FAR2: variants seen among roughly 807,000 people sequenced by gnomAD.
The protein encoded by FAR2 is fatty acyl-CoA reductase 2, also known as epididymis secretory protein Li 81.
In FAR2, 19 loss-of-function variants were observed where a neutral mutation model predicts 56.0. The ratio of observed to expected loss-of-function variants is 0.34; its 90% CI spans 0.24 to 0.50. The LOEUF (loss-of-function observed/expected upper bound fraction) is 0.50. FAR2 is among the 20% of genes least tolerant of loss of function. FAR2 has a pLI of 0.98. For synonymous variants in FAR2, 219 were observed against 218.8 expected, an observed-to-expected ratio of 1.00 and a Z score of -0.01; for missense variants, 508 against 642.2, an observed-to-expected ratio of 0.79 and a Z score of 2.26.
chr12:29,204,812 C>T (rs1028896719), intron 1 of FAR2, among the ~76,000 whole-genome samples: 1 of 152,134 alleles, frequency 6.6e-6, no homozygotes, highest in African/African-American at 2.4e-5. Flanking sequence ...TTTTAAACAA[C>T]CGGATCTCAG....
intron 1 of FAR2, among the ~76,000 whole-genome samples, chr12:29,260,015 G>C (rs1479462924): frequency 6.6e-6 from 1 of 151,942 alleles, no homozygotes. Context: ...AAGTAGAAGG[G>C]GGACCTTCTA....
chr12:29,268,620 G>A (rs1164254719), intron 1 of FAR2, among the ~76,000 whole-genome samples: 2 of 152,114 alleles, frequency 1.3e-5, no homozygotes, highest in African/African-American at 4.8e-5. Context: ...TACCCCCTGA[G>A]CAGCATATAA....
intron 6 of FAR2, chr12:29,309,855 T>C (rs1949318555): frequency 6.6e-6 from 1 of 152,422 alleles, no homozygotes; most frequent in African/African-American, 2.4e-5. Flanking sequence ...GCTGTGGGGC[T>C]TCACAGCTCA....
At chr12:29,229,645 A>G (rs1182106628) in intron 1 of FAR2, among the ~76,000 whole-genome samples, 2 of 152,220 alleles carry the variant, frequency 1.3e-5, no homozygotes, top group African/African-American at 4.8e-5. Context: ...TTCAGAGGAA[A>G]CCATGATGAG....
At chr12:29,331,928 A>C (rs1949737220) in intron 10 of FAR2, 1 of 152,118 alleles carries the variant, frequency 6.6e-6, no homozygotes, top group African/African-American at 2.4e-5. Context: ...GATACCTTAA[A>C]AATTTTTTAA....
intron 1 of FAR2, among the ~76,000 whole-genome samples, chr12:29,255,734 C>G (rs538631542): frequency 6.2e-4 from 94 of 152,250 alleles, no homozygotes; most frequent in African/African-American, 2.2e-3. Flanking sequence ...ATGCGATTCT[C>G]CTGTCTCAGC....
chr12:29,262,168 A>T lies in FAR2; in HGVS notation c.-38-8244A>T, dbSNP rs539080643. ...AAAAAGTTAAAAAGTGGCAAGATGAAGTTAAAGTGTAGAGTTTTTATTAGT... is the reference window on the plus strand; with the variant it reads ...AAAAAGTTAAAAAGTGGCAAGATGATGTTAAAGTGTAGAGTTTTTATTAGT... On this transcript the variant is annotated intron_variant, in intron 1 of 11. Coordinates refer to ENST00000536681, the MANE Select transcript of FAR2 (RefSeq NM_001271783.2). Among the ~76,000 whole-genome samples the T allele has an allele frequency of 1.1e-4, 17 of 152,302 alleles. 1 individual carries two copies. The highest frequency in any genetic ancestry group is 3.8e-4 in the African/African-American group (16 of 41,578).
In FAR2 at chr12:29,253,308, T is replaced by G. The variant is rs201752508; in HGVS notation, c.-38-17104T>G. Among the ~76,000 whole-genome samples the G allele has an allele frequency of 7.3e-3, 793 of 108,226 alleles. 2 individuals carry two copies. Among genetic ancestry groups the G allele is most frequent in the Middle Eastern group, 0.03 (5 of 166 alleles). 71.0% of individuals were successfully genotyped at this position (108,226 alleles called of 152,430 possible). On this transcript the variant is annotated intron_variant, in intron 1 of 11. Coordinates refer to ENST00000536681, the MANE Select transcript of FAR2 (RefSeq NM_001271783.2). ...ATCTATATCTATCTAGATAGATATC[T>G]ATATATCTATATCTATCTAGATAGA... is the stretch of plus-strand genomic sequence containing the variant.
At chr12:29,204,185 CA>C (rs1947452260) in intron 1 of FAR2, among the ~76,000 whole-genome samples, 2 of 151,726 alleles carry the variant, frequency 1.3e-5, no homozygotes, top group Admixed American at 1.3e-4. Context: ...TGTCTGCGTA[CA>C]AAATGGAAAT....
At position 29,297,044 on chromosome 12, in the gene FAR2, C is replaced by T. The variant is rs751857736; in HGVS notation, c.389C>T (p.Thr130Ile). The change falls in exon 4 of 12, where the codon ACT becomes ATT. Residue 130 changes from threonine (T) to isoleucine (I), a missense_variant. Physicochemically the swap from Thr to Ile is moderately conservative, Grantham distance 89. Transcript: ENST00000536681. The stretch of plus-strand genomic sequence containing the variant: ...AGACATGCTGTGCAACTTAACGTCA[C>T]TGCCACCCGGCAGCTCTTGCTTATG... ...TLRHAVQLNVTATRQLLLMAS... is the reference protein window; with the variant it reads ...TLRHAVQLNVIATRQLLLMAS... The T allele has an allele frequency of 3.7e-6, 6 of 1,608,776 alleles. No homozygotes were observed. The highest frequency in any genetic ancestry group is 5.1e-6 in the Non-Finnish European group (6 of 1,178,218).
Position 29,192,986 on chromosome 12 carries a change from G to A in FAR2, c.-39+43579G>A, listed in dbSNP as rs376977918. Among the ~76,000 whole-genome samples, 6 of 152,138 alleles carry A rather than the reference G, an allele frequency of 3.9e-5. No homozygotes were observed. In the East Asian group the frequency reaches 9.6e-4, roughly 24 times the overall value. ...GATGTCTTTTTCATTTGTTAACAACGTGATTAAGATTCTTAAATTTTTAGC... is the reference window on the plus strand; with the variant it reads ...GATGTCTTTTTCATTTGTTAACAACATGATTAAGATTCTTAAATTTTTAGC... On this transcript the variant is annotated intron_variant, in intron 1 of 11. Coordinates refer to ENST00000536681, the MANE Select transcript of FAR2 (RefSeq NM_001271783.2).
At chr12:29,266,099 AG>A (rs2136700424) in intron 1 of FAR2, among the ~76,000 whole-genome samples, 1 of 152,284 alleles carries the variant, frequency 6.6e-6, no homozygotes, top group East Asian at 1.9e-4. Context: ...TACAGATAAC[AG>A]TTTGGAGGTT....
chr12:29,163,229 G>T (rs1949797365), intron 1 of FAR2, among the ~76,000 whole-genome samples: 1 of 152,180 alleles, frequency 6.6e-6, no homozygotes, highest in Non-Finnish European at 1.5e-5. Context: ...TTATTTCTCT[G>T]TGCCTTAGTT....
At chr12:29,301,095 A>G (rs186700274) in intron 4 of FAR2, among the ~76,000 whole-genome samples, 1 of 152,152 alleles carries the variant, frequency 6.6e-6, no homozygotes, top group Admixed American at 6.6e-5. Flanking sequence ...TTTAGCCCCT[A>G]TCTAAAAACT....
intron 1 of FAR2, among the ~76,000 whole-genome samples, chr12:29,264,866 A>G (rs1334241963): frequency 2.7e-5 from 4 of 149,912 alleles, no homozygotes; most frequent in African/African-American, 9.7e-5. Context: ...AATCAGTAGT[A>G]TTTCTATATG....
At chr12:29,275,091 C>A (rs1460169417) in intron 2 of FAR2, among the ~76,000 whole-genome samples, 4 of 148,308 alleles carry the variant, frequency 2.7e-5, no homozygotes, top group African/African-American at 1.0e-4. Flanking sequence ...GTGAAGAGAC[C>A]ACCAAACAGG....
chr12:29,330,204 A>G (rs1053069712), intron 10 of FAR2, among the ~76,000 whole-genome samples: 3 of 152,008 alleles, frequency 2.0e-5, no homozygotes, highest in South Asian at 2.1e-4. Flanking sequence ...CTACAGGCGC[A>G]TGCCACGACG....
At chr12:29,258,081 C>A (rs550955574) in intron 1 of FAR2, among the ~76,000 whole-genome samples, 8 of 151,844 alleles carry the variant, frequency 5.3e-5, no homozygotes, top group African/African-American at 1.9e-4. Context: ...CAGTGGCTCA[C>A]GCATGTAATT....
At chr12:29,265,685 G>A (rs1449484670) in intron 1 of FAR2, among the ~76,000 whole-genome samples, 2 of 152,096 alleles carry the variant, frequency 1.3e-5, no homozygotes, top group Non-Finnish European at 2.9e-5. Flanking sequence ...AAGTTTAAAT[G>A]CTTCTGTACA....
Sources: gnomAD v4.1 joint callset for allele counts (sites outside exome capture counted in the v4.1 genomes callset) on GRCh38, gnomAD v4.1.1 for gene constraint, MANE v1.5 for transcripts, NCBI Gene and HGNC (gene_info 2026-07-23, HGNC 2026-07-21) for gene names.